CCDC91: variants seen among roughly 807,000 people sequenced by gnomAD.
CCDC91 encodes the protein coiled-coil domain-containing protein 91.
CCDC91 carries 48 observed loss-of-function variants against 63.2 expected under a neutral mutation model. That is an observed-to-expected ratio of 0.76 (90% confidence interval 0.60 to 0.97). The LOEUF (loss-of-function observed/expected upper bound fraction) is 0.97, where lower values mean the gene tolerates loss of function less well. Ranked by LOEUF, CCDC91 falls within the 50% of genes least tolerant of loss-of-function variation. The pLI, the probability that CCDC91 is intolerant of heterozygous loss-of-function variation, is 0.00. For synonymous variants in CCDC91, 167 were observed against 165.8 expected (o/e 1.01, Z -0.06); for missense variants, 500 against 494.6 (o/e 1.01, Z -0.10).
At chr12:28,367,187 A>T (rs1046734213) in intron 7 of CCDC91, among the ~76,000 whole-genome samples, 8 of 152,248 alleles carry the variant, frequency 5.3e-5, no homozygotes, top group Admixed American at 2.6e-4. Context: ...TAAGTATCTG[A>T]CAAGGATTTT....
chr12:28,338,911 G>A (rs1454045246), intron 6 of CCDC91, among the ~76,000 whole-genome samples: 1 of 152,008 alleles, frequency 6.6e-6, no homozygotes, highest in Admixed American at 6.6e-5. Context: ...CGCAATCTTG[G>A]CTCACTGCAA....
chr12:28,259,482 T>TA, intron 3 of CCDC91, 40 bp downstream of exon 3: 1 of 1,283,146 alleles, frequency 7.8e-7, no homozygotes, highest in Non-Finnish European at 1.1e-6. Context: ...TTTTTTTTTT[T>TA]CCCATGTAAC....
At chr12:28,198,606 G>T (rs1941962100) in intron 1 of CCDC91, among the ~76,000 whole-genome samples, 1 of 152,092 alleles carries the variant, frequency 6.6e-6, no homozygotes, top group African/African-American at 2.4e-5. Flanking sequence ...TGAATGAGAA[G>T]AATGTTTAAT....
intron 11 of CCDC91, among the ~76,000 whole-genome samples, chr12:28,477,173 G>A (rs1407412831): frequency 6.6e-6 from 1 of 151,702 alleles, no homozygotes; most frequent in African/African-American, 2.4e-5. Context: ...AACAAAAAAA[G>A]GAATTTTAGA....
chr12:28,487,491 GAAAAACAAAAGTTTTTTAGCAAATTCAT>G (rs1209995160), intron 12 of CCDC91, among the ~76,000 whole-genome samples: 1 of 151,806 alleles, frequency 6.6e-6, no homozygotes. Flanking sequence ...TAATACTTAG[GAAAAACAAAAGTTTTTTAGCAAATTCAT>G]AATCTTCTTG....
intron 8 of CCDC91, among the ~76,000 whole-genome samples, chr12:28,447,752 G>C (rs1393278955): frequency 1.4e-5 from 1 of 69,706 alleles, no homozygotes; most frequent in Non-Finnish European, 2.7e-5. Flanking sequence ...GCAGGGGAGG[G>C]GAGGGGAGGG....
At chr12:28,300,967 C>T (rs1228889140) in intron 3 of CCDC91, among the ~76,000 whole-genome samples, 1 of 151,644 alleles carries the variant, frequency 6.6e-6, no homozygotes, top group Non-Finnish European at 1.5e-5. Flanking sequence ...TGCTGCTCTT[C>T]TGAATGCTTT....
chr12:28,308,796 A>G (rs1314165737), intron 6 of CCDC91, among the ~76,000 whole-genome samples: 1 of 151,988 alleles, frequency 6.6e-6, no homozygotes, highest in African/African-American at 2.4e-5. Flanking sequence ...TTGACAAATT[A>G]TATATTTACT....
Position 28,332,737 on chromosome 12 carries a change from G to A in CCDC91, c.576+24988G>A, listed in dbSNP as rs1163071542. Among the ~76,000 whole-genome samples the A allele has an allele frequency of 3.9e-5, 6 of 152,138 alleles. No individual in the cohort carries two copies. The East Asian group carries it at 1.2e-3, about 30-fold the overall frequency. On this transcript the variant is annotated intron_variant, in intron 6 of 12. Coordinates refer to ENST00000536442, the MANE Select transcript of CCDC91 (RefSeq NM_018318.5). ...TCCTCACTCATCAGTATACAACCTT[G>A]TTTTATGTGTGTTTCTGTGGAAATC...
At chr12:28,302,738 A>G (rs1938215459) in intron 3 of CCDC91, 2 of 669,938 alleles carry the variant, frequency 3.0e-6, no homozygotes, top group Non-Finnish European at 3.7e-6. Context: ...CATGAAGCAA[A>G]GCAGGTTTAT....
intron 8 of CCDC91, among the ~76,000 whole-genome samples, chr12:28,403,012 T>A (rs1946732289): frequency 6.6e-6 from 1 of 152,242 alleles, no homozygotes; most frequent in Non-Finnish European, 1.5e-5. Context: ...TTGTCATGTA[T>A]GATTCTTTTG....
chr12:28,319,784 A>G (rs894738448), intron 6 of CCDC91, among the ~76,000 whole-genome samples: 1 of 151,758 alleles, frequency 6.6e-6, no homozygotes, highest in African/African-American at 2.4e-5. Context: ...AATTATTGTT[A>G]TATTGTATCA....
At chr12:28,334,899 C>A (rs1037255387) in intron 6 of CCDC91, among the ~76,000 whole-genome samples, 1 of 151,370 alleles carries the variant, frequency 6.6e-6, no homozygotes, top group East Asian at 1.9e-4. Context: ...ATAGCCTGTT[C>A]GTTTCATCAG....
chr12:28,198,996 C>G (rs1941999332), intron 1 of CCDC91: 1 of 151,894 alleles, frequency 6.6e-6, no homozygotes, highest in Admixed American at 6.6e-5. Context: ...TCACTGCAGC[C>G]TCCAGCTCCT....
chr12:28,433,643 C>T (rs1438946329), intron 8 of CCDC91, among the ~76,000 whole-genome samples: 1 of 151,902 alleles, frequency 6.6e-6, no homozygotes, highest in Non-Finnish European at 1.5e-5. Context: ...TAATGTCAGT[C>T]CTCCAACTTT....
At chr12:28,361,649 GTTA>G (rs779162416) in intron 6 of CCDC91, among the ~76,000 whole-genome samples, 55 of 151,478 alleles carry the variant, frequency 3.6e-4, no homozygotes, top group Non-Finnish European at 6.2e-4. Flanking sequence ...CATCTATTGA[GTTA>G]TTAATAGTAC....
At chr12:28,268,774 G>T (rs1312164975) in intron 3 of CCDC91, 3 of 578,816 alleles carry the variant, frequency 5.2e-6, no homozygotes, top group Non-Finnish European at 6.5e-6. Flanking sequence ...ATCTACTGTG[G>T]ATGAATAGTG....
chr12:28,371,168 C>T (rs1053002067), intron 7 of CCDC91, among the ~76,000 whole-genome samples: 7 of 151,996 alleles, frequency 4.6e-5, no homozygotes, highest in African/African-American at 1.7e-4. Flanking sequence ...GGTCCTTAAC[C>T]CCCAGGCTGT....
intron 6 of CCDC91, among the ~76,000 whole-genome samples, chr12:28,359,477 G>A (rs1318563893): frequency 2.6e-5 from 4 of 151,910 alleles, no homozygotes; most frequent in Admixed American, 6.6e-5. Flanking sequence ...ATTAGTAATA[G>A]GTATTGTCAA....
Sources: gnomAD v4.1 joint callset for allele counts (sites outside exome capture counted in the v4.1 genomes callset) on GRCh38, gnomAD v4.1.1 for gene constraint, MANE v1.5 for transcripts, NCBI Gene and HGNC (gene_info 2026-07-23, HGNC 2026-07-21) for gene names.